The following SGCZ variants were observed in gnomAD, a reference collection of about 807,000 sequenced individuals.
SGCZ encodes sarcoglycan zeta, also known as zeta-sarcoglycan.
SGCZ carries 40 observed loss-of-function variants against 41.3 expected under a neutral mutation model. That is an observed-to-expected ratio of 0.97 (90% CI 0.75 to 1.26). SGCZ has a LOEUF of 1.26. Among genes scored for constraint, SGCZ ranks in the 50% most tolerant of loss-of-function variants. The pLI is 0.00. For missense variants in SGCZ, 552 were observed against 369.8 expected, an observed-to-expected ratio of 1.49 and a Z score of -4.04; for synonymous variants, 206 against 137.5, an observed-to-expected ratio of 1.50 and a Z score of -3.49.
At chr8:14,355,708 A>G (rs1333671825) in intron 2 of SGCZ, among the ~76,000 whole-genome samples, 1 of 152,120 alleles carries the variant, frequency 6.6e-6, no homozygotes, top group Non-Finnish European at 1.5e-5. Flanking sequence ...GTTTTTAATT[A>G]AAAGACTCTC....
chr8:14,662,647 G>C (rs563102870), intron 1 of SGCZ, among the ~76,000 whole-genome samples: 1 of 152,214 alleles, frequency 6.6e-6, no homozygotes, highest in South Asian at 2.1e-4. Context: ...ACTAATCCCT[G>C]GAAGCTTTGA....
rs201124767 is a variant in SGCZ at position 14,715,561 on chromosome 8, A to C, written c.40-160635T>G. Reference sequence around the variant, plus strand: ...ACACACACACACACACACACACACAAACATGCACACATAAAAACAGGATTC... The same window carrying C: ...ACACACACACACACACACACACACACACATGCACACATAAAAACAGGATTC... On this transcript the variant is annotated intron_variant, in intron 1 of 7. Coordinates refer to ENST00000382080, the MANE Select transcript of SGCZ (RefSeq NM_139167.4). Among the ~76,000 whole-genome samples the C allele has an allele frequency of 1.1e-4, 7 of 65,084 alleles. No individual in the cohort carries two copies. The South Asian group carries it at 1.7e-3, about 16-fold the overall frequency. 42.7% of individuals were successfully genotyped at this position (65,084 alleles called of 152,430 possible).
intron 2 of SGCZ, among the ~76,000 whole-genome samples, chr8:14,479,809 G>C (rs981402892): frequency 7.1e-5 from 10 of 140,734 alleles, no homozygotes; most frequent in Admixed American, 2.3e-4. Flanking sequence ...GCAATCGCAT[G>C]ATCTCGGCTC....
At chr8:14,168,586 G>T (rs1804279217) in intron 4 of SGCZ, among the ~76,000 whole-genome samples, 1 of 152,082 alleles carries the variant, frequency 6.6e-6, no homozygotes, top group Non-Finnish European at 1.5e-5. Context: ...GCTCCTCCTT[G>T]CCTGCAGCCA....
chr8:14,736,987 A>G (rs985603145), intron 1 of SGCZ, among the ~76,000 whole-genome samples: 1 of 151,478 alleles, frequency 6.6e-6, no homozygotes, highest in Non-Finnish European at 1.5e-5. Context: ...ATCCACATCA[A>G]TCAACAAGTG....
intron 2 of SGCZ, among the ~76,000 whole-genome samples, chr8:14,512,632 T>A (rs995243737): frequency 2.5e-4 from 38 of 152,014 alleles, no homozygotes; most frequent in African/African-American, 8.7e-4. Flanking sequence ...GCTATTTTTT[T>A]TTTTATTTTA....
intron 1 of SGCZ, among the ~76,000 whole-genome samples, chr8:15,046,522 T>G (rs1464083793): frequency 1.3e-5 from 2 of 152,004 alleles, no homozygotes; most frequent in African/African-American, 4.8e-5. Flanking sequence ...AGTGTTCTTT[T>G]TCTATGTTCC....
chr8:14,642,116 G>C (rs556469919), intron 1 of SGCZ, among the ~76,000 whole-genome samples: 2 of 151,752 alleles, frequency 1.3e-5, no homozygotes, highest in African/African-American at 4.8e-5. Context: ...AGGAGTCTCA[G>C]AGCACAGCCA....
chr8:15,054,008 T>G (rs1031704864), intron 1 of SGCZ, among the ~76,000 whole-genome samples: 6 of 152,110 alleles, frequency 3.9e-5, no homozygotes, highest in African/African-American at 1.4e-4. Context: ...CATGACATAT[T>G]TGACCTTTGC....
intron 3 of SGCZ, among the ~76,000 whole-genome samples, chr8:14,245,846 A>G (rs1281262203): frequency 6.6e-6 from 1 of 152,224 alleles, no homozygotes; most frequent in Non-Finnish European, 1.5e-5. Context: ...ACATGAAAAA[A>G]TGCTCATCAT....
chr8:14,336,137 G>A (rs1225419590), intron 2 of SGCZ, among the ~76,000 whole-genome samples: 2 of 151,968 alleles, frequency 1.3e-5, no homozygotes, highest in Admixed American at 6.6e-5. Flanking sequence ...CCATCATTTA[G>A]CTCCCTCTTA....
intron 1 of SGCZ, among the ~76,000 whole-genome samples, chr8:14,959,087 C>T (rs1050992402): frequency 2.0e-5 from 3 of 152,162 alleles, no homozygotes; most frequent in African/African-American, 7.2e-5. Context: ...ATAAACATTA[C>T]CATCAACTAC....
At chr8:14,565,349 C>A (rs1804327433) in intron 1 of SGCZ, among the ~76,000 whole-genome samples, 2 of 151,542 alleles carry the variant, frequency 1.3e-5, no homozygotes, top group South Asian at 4.2e-4. Context: ...CACAGGTTTA[C>A]ATTTGGGCTT....
At chr8:14,467,706 G>C (rs568593729) in intron 2 of SGCZ, among the ~76,000 whole-genome samples, 1 of 151,888 alleles carries the variant, frequency 6.6e-6, no homozygotes, top group Non-Finnish European at 1.5e-5. Flanking sequence ...GCATATTTTC[G>C]GTCCTTCCTA....
chr8:15,004,970 T>C (rs1409166878), intron 1 of SGCZ, among the ~76,000 whole-genome samples: 3 of 152,146 alleles, frequency 2.0e-5, no homozygotes, highest in Admixed American at 6.5e-5. Context: ...TGCATGTATT[T>C]TTCTAAATAT....
chr8:15,180,974 G>T (rs778797457), intron 1 of SGCZ, among the ~76,000 whole-genome samples: 2 of 151,410 alleles, frequency 1.3e-5, no homozygotes, highest in Admixed American at 6.6e-5. Flanking sequence ...ATAAAAAATA[G>T]ATATGCCCAA....
rs147891182 is a variant in SGCZ, at chr8:15,149,804, C to T, written c.39+87781G>A. Among the ~76,000 whole-genome samples, 243 of 149,220 alleles carry T rather than the reference C, an allele frequency of 1.6e-3. 1 individual carries two copies. The highest frequency in any genetic ancestry group is 5.8e-3 in the African/African-American group (236 of 40,646). ...CATATTCACTGACCCAGCAATTCTT[C>T]TAAAAATACACACTAATAACCACGG... On this transcript the variant is annotated intron_variant, in intron 1 of 7. Transcript: ENST00000382080.
In SGCZ at chr8:15,237,878, C is replaced by A. The variant is rs1171966383; in HGVS notation, c.-255G>T. ...TGATCTCTACCGCGGTGCAACACAG[C>A]TGAGTCGATTGAAACAGGGGCCAAA... On this transcript the variant is annotated 5_prime_UTR_variant, in exon 1 of 8. Coordinates refer to ENST00000382080, the MANE Select transcript of SGCZ (RefSeq NM_139167.4). 9.5e-6 allele frequency: 4 copies of A among 422,946 alleles called. No individual in the cohort carries two copies. Among genetic ancestry groups the A allele is most frequent in the Admixed American group, 7.0e-5 (2 of 28,430 alleles). The allele number at this position is 422,946 out of a possible 1,614,324, so 26.2% of individuals were successfully genotyped here.
intron 1 of SGCZ, among the ~76,000 whole-genome samples, chr8:15,164,149 C>A (rs1799588102): frequency 6.6e-6 from 1 of 152,294 alleles, no homozygotes; most frequent in South Asian, 2.1e-4. Context: ...GGCCATGGGA[C>A]AAAGAACCGT....
Sources: gnomAD v4.1 joint callset for allele counts (sites outside exome capture counted in the v4.1 genomes callset) on GRCh38, gnomAD v4.1.1 for gene constraint, MANE v1.5 for transcripts, NCBI Gene and HGNC (gene_info 2026-07-23, HGNC 2026-07-21) for gene names.